Variants in FZD7 observed in about 807,000 individuals in gnomAD.
FZD7 encodes the protein frizzled-7.
In FZD7, 21 loss-of-function variants were observed where a neutral mutation model predicts 39.0. The ratio of observed to expected loss-of-function variants is 0.54; its 90% CI spans 0.38 to 0.78. FZD7 has a LOEUF of 0.78. FZD7 is among the 30% of genes least tolerant of loss of function. The pLI, the probability that FZD7 is intolerant of heterozygous loss-of-function variation, is 0.00. For missense variants in FZD7, 695 were observed against 805.0 expected, an observed-to-expected ratio of 0.86 and a Z score of 1.65; for synonymous variants, 428 against 364.9, an observed-to-expected ratio of 1.17 and a Z score of -1.97.
Position 202,034,158 on chromosome 2 carries a change from C to G in FZD7, c.-490C>G, listed in dbSNP as rs752705679. Among the ~76,000 whole-genome samples the G allele has an allele frequency of 6.6e-6, 1 of 150,688 alleles. No individual in the cohort carries two copies. Among genetic ancestry groups the G allele is most frequent in the East Asian group, 2.0e-4 (1 of 5,068 alleles). ...AAGGAGGCGGCGACGAGCGGAGCCTCGAGGCCAGGAGGCGGGGCAGCACCG... is the reference window on the plus strand; with the variant it reads ...AAGGAGGCGGCGACGAGCGGAGCCTGGAGGCCAGGAGGCGGGGCAGCACCG... On this transcript the variant is annotated 5_prime_UTR_variant, in exon 1 of 1. Coordinates refer to ENST00000286201, the MANE Select transcript of FZD7 (RefSeq NM_003507.2).
Position 202,035,719 on chromosome 2 carries a change from T to C in FZD7, c.1072T>C (p.Ser358Pro). 1 of 1,613,992 alleles carries C rather than the reference T, an allele frequency of 6.2e-7. No homozygotes were observed. The highest frequency in any genetic ancestry group is 8.5e-7 in the Non-Finnish European group (1 of 1,180,028). ...CAGCTCCATCTGGTGGGTCATTCTG[T>C]CTCTCACTTGGTTCCTGGCGGCCGG... ...MASSIWWVIL[S>P]LTWFLAAGMK... The change falls in exon 1 of 1, where the codon TCT (serine) becomes CCT (proline). Residue 358 changes from serine to proline, a missense_variant. Ser to Pro is a moderately conservative substitution (Grantham distance 74, BLOSUM62 -1). Coordinates refer to ENST00000286201, the MANE Select transcript of FZD7 (RefSeq NM_003507.2).
At position 202,034,220 on chromosome 2, in the gene FZD7, A is replaced by G. The variant is rs1574985110; in HGVS notation, c.-428A>G. ...GCCGGGGCGAGCGAGCGGCGGCGGC[A>G]GGGGTTCTCCTAGCGGGGACCGGAC... On this transcript the variant is annotated 5_prime_UTR_variant, in exon 1 of 1. Transcript: ENST00000286201. Among the ~76,000 whole-genome samples, 1 of 151,184 alleles carries G rather than the reference A, an allele frequency of 6.6e-6. No individual in the cohort carries two copies. Among genetic ancestry groups the G allele is most frequent in the East Asian group, 2.0e-4 (1 of 5,072 alleles).
rs143927979 is a variant in FZD7, at chr2:202,035,874, G to A, written c.1227G>A (p.Gly409=). The A allele has an allele frequency of 1.4e-3, 2,314 of 1,614,158 alleles. 3 individuals carry two copies. The highest frequency in any genetic ancestry group is 6.1e-3 in the Middle Eastern group (37 of 6,062). The change falls in exon 1 of 1, where the codon GGG becomes GGA. Residue 409 remains glycine, a synonymous_variant. Transcript: ENST00000286201. ...AGGTAGACGGGGACCTGCTGAGCGG[G>A]GTGTGCTACGTTGGCCTCTCCAGTG... ...MGQVDGDLLS[G]VCYVGLSSVD...
Position 202,035,720 on chromosome 2 carries a change from C to T in FZD7, c.1073C>T (p.Ser358Phe), listed in dbSNP as rs1165837627. 6.2e-7 allele frequency: 1 copy of T among 1,614,070 alleles called. No individual in the cohort carries two copies. The highest frequency in any genetic ancestry group is 2.2e-5 in the East Asian group (1 of 44,880). ...AGCTCCATCTGGTGGGTCATTCTGT[C>T]TCTCACTTGGTTCCTGGCGGCCGGC... ...MASSIWWVIL[S>F]LTWFLAAGMK... is the part of the protein sequence containing the mutation. Residue 358 changes from serine (S) to phenylalanine (F), a missense_variant, in exon 1 of 1, where the codon TCT (serine) becomes TTT (phenylalanine). By Grantham distance (155) the Ser-to-Phe change is radical (BLOSUM62 -2). Transcript: ENST00000286201.
In FZD7 at chr2:202,036,705, C is replaced by T. The variant is rs574857420; in HGVS notation, c.*333C>T. 6.4e-6 allele frequency: 2 copies of T among 314,922 alleles called. No homozygotes were observed. The highest frequency in any genetic ancestry group is 4.7e-5 in the Admixed American group (1 of 21,158). 19.5% of individuals were successfully genotyped at this position (314,922 alleles called of 1,614,324 possible). A position where few individuals can be genotyped will look rare whatever the true frequency, so the allele number is the denominator to read the frequency against. On this transcript the variant is annotated 3_prime_UTR_variant, in exon 1 of 1. Coordinates refer to ENST00000286201, the MANE Select transcript of FZD7 (RefSeq NM_003507.2). ...GACTGCTGTGAGTTTCTCCCGGCTCCGAGGCTGAACGGGGACTGTGAGCGA... is the reference window on the plus strand; with the variant it reads ...GACTGCTGTGAGTTTCTCCCGGCTCTGAGGCTGAACGGGGACTGTGAGCGA...
At position 202,036,804 on chromosome 2, in the gene FZD7, T is replaced by C; in HGVS notation, c.*432T>C. 1 of 181,486 alleles carries C rather than the reference T, an allele frequency of 5.5e-6. No individual in the cohort carries two copies. The highest frequency in any genetic ancestry group is 1.7e-4 in the East Asian group (1 of 5,796). The allele number at this position is 181,486 out of a possible 1,614,324, so 11.2% of individuals were successfully genotyped here. A position where few individuals can be genotyped will look rare whatever the true frequency, so the allele number is the denominator to read the frequency against. ...GGGAAAGGTACAGCCCTGTCTGCGGTGGCTGCTTTGTTGGAAAGAGGGAGG... is the reference window on the plus strand; with the variant it reads ...GGGAAAGGTACAGCCCTGTCTGCGGCGGCTGCTTTGTTGGAAAGAGGGAGG... On this transcript the variant is annotated 3_prime_UTR_variant, in exon 1 of 1. Coordinates refer to ENST00000286201, the MANE Select transcript of FZD7 (RefSeq NM_003507.2).
rs1688738811 is a variant in FZD7, at chr2:202,036,201, C to T, written c.1554C>T (p.Gly518=). Reference sequence around the variant, plus strand: ...GCTATGCCGTGCCCTGCCCGCCCGGCCACTTCCCGCCCATGAGCCCCGACT... The same window carrying T: ...GCTATGCCGTGCCCTGCCCGCCCGGTCACTTCCCGCCCATGAGCCCCGACT... ...CKSYAVPCPP[G]HFPPMSPDFT... The change falls in exon 1 of 1, where the codon GGC becomes GGT. Residue 518 remains glycine (G), a synonymous_variant. Coordinates refer to ENST00000286201, the MANE Select transcript of FZD7 (RefSeq NM_003507.2). The T allele has an allele frequency of 1.2e-6, 2 of 1,613,652 alleles. No individual in the cohort carries two copies. The highest frequency in any genetic ancestry group is 1.7e-6 in the Non-Finnish European group (2 of 1,180,036).
rs536025814 is a variant in FZD7 at position 202,038,420 on chromosome 2, A to G, written c.*2048A>G. The G allele has an allele frequency of 1.9e-5, 3 of 159,896 alleles. No homozygotes were observed. The Admixed American group carries it at 2.0e-4, about 10-fold the overall frequency. The allele number at this position is 159,896 out of a possible 1,614,324, so 9.9% of individuals were successfully genotyped here. A position where few individuals can be genotyped will look rare whatever the true frequency, so the allele number is the denominator to read the frequency against. On this transcript the variant is annotated 3_prime_UTR_variant, in exon 1 of 1. Transcript: ENST00000286201. The stretch of plus-strand genomic sequence containing the variant: ...ACTTTATCACATGTACAGATCACAA[A>G]TAAATTTTTTTAAATACAAAATGAA...
In FZD7 at chr2:202,035,219, C is replaced by T. The variant is rs769510212; in HGVS notation, c.572C>T (p.Thr191Ile). ...CCCTACCTGCCGGACCTGCCCTTCA[C>T]CGCGCTGCCCCCGGGGGCCTCAGAT... The part of the protein sequence containing the change: ...TAPYLPDLPF[T>I]ALPPGASDGR... The change falls in exon 1 of 1, where the codon ACC becomes ATC. Residue 191 changes from threonine (T) to isoleucine (I), a missense_variant. Transcript: ENST00000286201. 3.1e-6 allele frequency: 5 copies of T among 1,600,162 alleles called. No homozygotes were observed. Among genetic ancestry groups the T allele is most frequent in the East Asian group, 2.2e-5 (1 of 44,856 alleles).
Position 202,035,103 on chromosome 2 carries a change from G to A in FZD7, c.456G>A (p.Pro152=), listed in dbSNP as rs1688714681. The A allele has an allele frequency of 6.2e-7, 1 of 1,608,376 alleles. No individual in the cohort carries two copies. The highest frequency in any genetic ancestry group is 1.3e-5 in the African/African-American group (1 of 75,038). The change falls in exon 1 of 1, where the codon CCG becomes CCA. Residue 152 remains proline (P), a synonymous_variant. Coordinates refer to ENST00000286201, the MANE Select transcript of FZD7 (RefSeq NM_003507.2). ...WPERLRCENF[P]VHGAGEICVG... ...AGCGGCTGCGCTGCGAGAACTTCCC[G>A]GTGCACGGTGCGGGCGAGATCTGCG...
Position 202,036,231 on chromosome 2 carries a change from C to T in FZD7, c.1584C>T (p.Thr528=), listed in dbSNP as rs761598219. 2.5e-6 allele frequency: 4 copies of T among 1,613,646 alleles called. No homozygotes were observed. Among genetic ancestry groups the T allele is most frequent in the Non-Finnish European group, 3.4e-6 (4 of 1,180,028 alleles). The change falls in exon 1 of 1, where the codon ACC becomes ACT. Residue 528 remains threonine, a synonymous_variant. Transcript: ENST00000286201. The part of the protein sequence containing the change: ...GHFPPMSPDF[T]VFMIKYLMTM... ...TCCCGCCCATGAGCCCCGACTTCAC[C>T]GTCTTCATGATCAAGTACCTGATGA...
rs559202385 is a variant in FZD7, at chr2:202,035,950, A to G, written c.1303A>G (p.Ile435Val). The G allele has an allele frequency of 1.3e-5, 21 of 1,614,060 alleles. No homozygotes were observed. The highest frequency in any genetic ancestry group is 6.7e-5 in the Admixed American group (4 of 60,034). ...GGCGCCTCTGTTCGTCTACCTCTTCATAGGCACGTCCTTCTTGCTGGCCGG... is the reference window on the plus strand; with the variant it reads ...GGCGCCTCTGTTCGTCTACCTCTTCGTAGGCACGTCCTTCTTGCTGGCCGG... ...VLAPLFVYLFIGTSFLLAGFV... is the reference protein window; with the variant it reads ...VLAPLFVYLFVGTSFLLAGFV... The change falls in exon 1 of 1, where the codon ATA becomes GTA. Residue 435 changes from isoleucine to valine, a missense_variant. By Grantham distance (29) the Ile-to-Val change is conservative. Coordinates refer to ENST00000286201, the MANE Select transcript of FZD7 (RefSeq NM_003507.2).
At position 202,034,250 on chromosome 2, in the gene FZD7, C is replaced by T. The variant is rs917974698; in HGVS notation, c.-398C>T. Among the ~76,000 whole-genome samples the T allele has an allele frequency of 2.0e-5, 3 of 151,780 alleles. No individual in the cohort carries two copies. The highest frequency in any genetic ancestry group is 2.9e-5 in the Non-Finnish European group (2 of 67,906). On this transcript the variant is annotated 5_prime_UTR_variant, in exon 1 of 1. Coordinates refer to ENST00000286201, the MANE Select transcript of FZD7 (RefSeq NM_003507.2). ...TTCTCCTAGCGGGGACCGGACCAGG[C>T]GCGGGGGGCGTGCGCGCTGCGGTGC...
Position 202,034,614 on chromosome 2 carries a change from C to T in FZD7, c.-34C>T. 1.3e-6 allele frequency: 2 copies of T among 1,514,840 alleles called. No homozygotes were observed. Among genetic ancestry groups the T allele is most frequent in the South Asian group, 1.3e-5 (1 of 76,118 alleles). The allele number at this position is 1,514,840 out of a possible 1,614,324, so 93.8% of individuals were successfully genotyped here. ...CTCCCAACCGCCTCGTCGCACTCCTCAGGCTGAGAGCACCGCTGCACTCGC... is the reference window on the plus strand; with the variant it reads ...CTCCCAACCGCCTCGTCGCACTCCTTAGGCTGAGAGCACCGCTGCACTCGC... On this transcript the variant is annotated 5_prime_UTR_variant, in exon 1 of 1. Transcript: ENST00000286201.
rs780717988 is a variant in FZD7 at position 202,034,624 on chromosome 2, G to A, written c.-24G>A. The A allele has an allele frequency of 3.9e-6, 6 of 1,529,008 alleles. No homozygotes were observed. Among genetic ancestry groups the A allele is most frequent in the South Asian group, 1.3e-5 (1 of 77,568 alleles). The allele number at this position is 1,529,008 out of a possible 1,614,324, so 94.7% of individuals were successfully genotyped here. ...CCTCGTCGCACTCCTCAGGCTGAGA[G>A]CACCGCTGCACTCGCGGCCGGCGAT... On this transcript the variant is annotated 5_prime_UTR_variant, in exon 1 of 1. Coordinates refer to ENST00000286201, the MANE Select transcript of FZD7 (RefSeq NM_003507.2).
Position 202,035,559 on chromosome 2 carries a change from G to A in FZD7, c.912G>A (p.Val304=). Reference sequence around the variant, plus strand: ...ACTTCATGGTGGCCGTGGCGCACGTGGCCGGCTTCCTTCTAGAGGACCGCG... The same window carrying A: ...ACTTCATGGTGGCCGTGGCGCACGTAGCCGGCTTCCTTCTAGAGGACCGCG... ...GCYFMVAVAH[V]AGFLLEDRAV... Residue 304 remains valine (V), a synonymous_variant, in exon 1 of 1, where the codon GTG becomes GTA. Coordinates refer to ENST00000286201, the MANE Select transcript of FZD7 (RefSeq NM_003507.2). 1.2e-6 allele frequency: 2 copies of A among 1,614,146 alleles called. No homozygotes were observed. Among genetic ancestry groups the A allele is most frequent in the Non-Finnish European group, 1.7e-6 (2 of 1,180,022 alleles).
chr2:202,036,512 C>T lies in FZD7; in HGVS notation c.*140C>T, dbSNP rs13034206. On this transcript the variant is annotated 3_prime_UTR_variant, in exon 1 of 1. Coordinates refer to ENST00000286201, the MANE Select transcript of FZD7 (RefSeq NM_003507.2). ...AGAAGTGACCTGGAAGTGAGAAGTT[C>T]TTTGCAGATTTGGGGCGAGGGGTGA... is the stretch of plus-strand genomic sequence containing the variant. 188,923 of 697,022 alleles carry T rather than the reference C, an allele frequency of 0.27. 28,217 individuals are homozygous for T. The highest frequency in any genetic ancestry group is 0.31 in the Non-Finnish European group (129,242 of 417,198). The allele number at this position is 697,022 out of a possible 1,614,324, so 43.2% of individuals were successfully genotyped here.
rs145569954 is a variant in FZD7 at position 202,035,346 on chromosome 2, G to A, written c.699G>A (p.Pro233=). Residue 233 remains proline (P), a synonymous_variant, in exon 1 of 1, where the codon CCG becomes CCA. Coordinates refer to ENST00000286201, the MANE Select transcript of FZD7 (RefSeq NM_003507.2). ...TGGGTGAGCGCGATTGTGGCGCCCC[G>A]TGCGAACCGGGCCGTGCCAACGGCC... The part of the protein sequence containing the change: ...RFLGERDCGA[P]CEPGRANGLM... The A allele has an allele frequency of 7.4e-6, 12 of 1,612,372 alleles. No individual in the cohort carries two copies. The highest frequency in any genetic ancestry group is 3.3e-4 in the Middle Eastern group (2 of 6,062).
At position 202,034,630 on chromosome 2, in the gene FZD7, C is replaced by A; in HGVS notation, c.-18C>A. 1 of 1,536,238 alleles carries A rather than the reference C, an allele frequency of 6.5e-7. No individual in the cohort carries two copies. Among genetic ancestry groups the A allele is most frequent in the African/African-American group, 1.4e-5 (1 of 72,816 alleles). ...CGCACTCCTCAGGCTGAGAGCACCGCTGCACTCGCGGCCGGCGATGCGGGA... is the reference window on the plus strand; with the variant it reads ...CGCACTCCTCAGGCTGAGAGCACCGATGCACTCGCGGCCGGCGATGCGGGA... On this transcript the variant is annotated 5_prime_UTR_variant, in exon 1 of 1. In the 5' UTR this introduces an upstream ATG that the reference lacks. Coordinates refer to ENST00000286201, the MANE Select transcript of FZD7 (RefSeq NM_003507.2).
Sources: gnomAD v4.1 joint callset for allele counts (sites outside exome capture counted in the v4.1 genomes callset) on GRCh38, gnomAD v4.1.1 for gene constraint, MANE v1.5 for transcripts, NCBI Gene and HGNC (gene_info 2026-07-23, HGNC 2026-07-21) for gene names.